Variants in PRKAR1B observed in about 807,000 individuals in gnomAD.
PRKAR1B encodes the protein cAMP-dependent protein kinase type I-beta regulatory subunit.
Under a neutral mutation model 46.5 loss-of-function variants are expected in PRKAR1B, and 22 were observed. The ratio of observed to expected loss-of-function variants is 0.47; its 90% CI spans 0.34 to 0.68. The LOEUF (loss-of-function observed/expected upper bound fraction) is 0.68. Among genes scored for constraint, PRKAR1B ranks in the 30% least tolerant of loss-of-function variants. The probability of loss-of-function intolerance (pLI) is 0.01; values close to 1 mark genes in which losing one functional copy is unlikely to be tolerated. For synonymous variants in PRKAR1B, 259 were observed against 217.7 expected (o/e 1.19, Z -1.67); for missense variants, 445 against 535.6 (o/e 0.83, Z 1.67).
chr7:704,101 T>A (rs1780192206), intron 2 of PRKAR1B, among the ~76,000 whole-genome samples: 2 of 152,160 alleles, frequency 1.3e-5, no homozygotes, highest in African/African-American at 4.8e-5. Flanking sequence ...CATTATATAT[T>A]TCTATCAGAT....
intron 2 of PRKAR1B, among the ~76,000 whole-genome samples, chr7:711,084 G>A (rs1009663176): frequency 3.3e-5 from 5 of 152,200 alleles, no homozygotes; most frequent in Non-Finnish European, 7.3e-5. Flanking sequence ...CCTGGAAGCC[G>A]AAGGGGGAAT....
intron 1 of PRKAR1B, among the ~76,000 whole-genome samples, chr7:715,909 G>A (rs572578586): frequency 1.3e-5 from 2 of 152,060 alleles, no homozygotes; most frequent in Non-Finnish European, 2.9e-5. Context: ...TAGAGATGGG[G>A]TTTCACCGTG....
At chr7:718,279 CACACACACACACACACATACACAT>C (rs1273802247) in intron 1 of PRKAR1B, among the ~76,000 whole-genome samples, 2 of 147,186 alleles carry the variant, frequency 1.4e-5, no homozygotes, top group Admixed American at 6.8e-5. Context: ...CACACACACA[CACACACACACACACACATACACAT>C]ATATACATAC....
At position 652,430 on chromosome 7, in the gene PRKAR1B, C is replaced by T. The variant is rs545302731; in HGVS notation, c.440+24799G>A. Among the ~76,000 whole-genome samples the T allele has an allele frequency of 1.5e-4, 22 of 149,624 alleles. 1 individual carries two copies. The South Asian group carries it at 3.9e-3, about 26-fold the overall frequency. Reference sequence around the variant, plus strand: ...ACTAGGAACCTGGGGAAACCCCTCTCGGAAGACAGTTCACACCCACGCAGC... The same window carrying T: ...ACTAGGAACCTGGGGAAACCCCTCTTGGAAGACAGTTCACACCCACGCAGC... On this transcript the variant is annotated intron_variant, in intron 4 of 10. Transcript: ENST00000537384.
At chr7:563,571 T>C (rs1214562797) in intron 9 of PRKAR1B, among the ~76,000 whole-genome samples, 1 of 152,018 alleles carries the variant, frequency 6.6e-6, no homozygotes, top group African/African-American at 2.4e-5. Context: ...TGTGAGTGCG[T>C]GCACAGGTGT....
intron 2 of PRKAR1B, among the ~76,000 whole-genome samples, chr7:706,469 G>C (rs1583446011): frequency 7.7e-6 from 1 of 130,614 alleles, no homozygotes; most frequent in Non-Finnish European, 1.6e-5. Context: ...TATCACCCAG[G>C]CTAGAGTGCA....
intron 1 of PRKAR1B, chr7:726,619 AG>A: frequency 2.2e-6 from 2 of 925,948 alleles, no homozygotes; most frequent in Non-Finnish European, 2.8e-6. Context: ...GGGAGGAAGT[AG>A]CCCGGCGCCC....
chr7:636,885 C>A (rs1784140481), intron 4 of PRKAR1B, among the ~76,000 whole-genome samples: 1 of 152,174 alleles, frequency 6.6e-6, no homozygotes, highest in Admixed American at 6.5e-5. Flanking sequence ...ACAACTGTGA[C>A]CCCGCAAACC....
At chr7:587,362 G>A (rs1267519859) in intron 7 of PRKAR1B, among the ~76,000 whole-genome samples, 1 of 152,244 alleles carries the variant, frequency 6.6e-6, no homozygotes, top group Admixed American at 6.5e-5. Context: ...GCTCAGGGCT[G>A]TGCCCATCAC....
intron 4 of PRKAR1B, among the ~76,000 whole-genome samples, chr7:635,349 C>T (rs1405509316): frequency 3.3e-5 from 5 of 152,196 alleles, no homozygotes; most frequent in Admixed American, 2.0e-4. Flanking sequence ...ATGTCATGTT[C>T]GCGCCCAGGC....
At chr7:642,895 G>A (rs1251413419) in intron 4 of PRKAR1B, among the ~76,000 whole-genome samples, 1 of 151,398 alleles carries the variant, frequency 6.6e-6, no homozygotes, top group African/African-American at 2.5e-5. Context: ...CATCTGTCCT[G>A]GGTTCAAATC....
At chr7:708,716 T>G (rs1028063222) in intron 2 of PRKAR1B, among the ~76,000 whole-genome samples, 2 of 151,690 alleles carry the variant, frequency 1.3e-5, no homozygotes, top group Non-Finnish European at 2.9e-5. Context: ...CCAACTCCTG[T>G]GTGCAAGCGA....
At chr7:652,945 G>C (rs995313454) in intron 4 of PRKAR1B, among the ~76,000 whole-genome samples, 1 of 152,190 alleles carries the variant, frequency 6.6e-6, no homozygotes, top group Admixed American at 6.5e-5. Flanking sequence ...TTCCACACAG[G>C]GTGGTTGGTG....
chr7:565,355 G>C (rs1353705578), intron 9 of PRKAR1B: 7 of 152,262 alleles, frequency 4.6e-5, no homozygotes, highest in Non-Finnish European at 1.0e-4. Flanking sequence ...AAGGAGAGCA[G>C]GTGACCTGGG....
chr7:669,020 C>G (rs1343951841), intron 4 of PRKAR1B, among the ~76,000 whole-genome samples: 3 of 152,192 alleles, frequency 2.0e-5, no homozygotes, highest in Non-Finnish European at 4.4e-5. Flanking sequence ...CAGACACCTG[C>G]ACACCCATGT....
chr7:691,771 A>G, intron 2 of PRKAR1B: 3 of 1,197,290 alleles, frequency 2.5e-6, no homozygotes, highest in Non-Finnish European at 3.2e-6. Context: ...AGGGCTCTAC[A>G]AACACCGGCA....
At chr7:570,160 C>G (rs1035495253) in intron 9 of PRKAR1B, among the ~76,000 whole-genome samples, 1 of 152,212 alleles carries the variant, frequency 6.6e-6, no homozygotes, top group Non-Finnish European at 1.5e-5. Flanking sequence ...CCCTGACCCG[C>G]GAGAGGAGGG....
chr7:618,214 G>T (rs952434076), intron 4 of PRKAR1B, among the ~76,000 whole-genome samples: 1 of 152,220 alleles, frequency 6.6e-6, no homozygotes, highest in Non-Finnish European at 1.5e-5. Context: ...TGGGGCCACA[G>T]GGCAGCAAAC....
intron 1 of PRKAR1B, chr7:726,766 G>C (rs1781309739): frequency 7.9e-7 from 1 of 1,261,680 alleles, no homozygotes. Context: ...CCCACACCCG[G>C]CTGAGGGGGC....
Sources: allele counts gnomAD v4.1 joint callset (sites outside exome capture counted in the v4.1 genomes callset), GRCh38; gene constraint gnomAD v4.1.1; transcripts MANE v1.5; gene names NCBI Gene and HGNC (gene_info 2026-07-23, HGNC 2026-07-21).